ADTRP: variants seen among roughly 807,000 people sequenced by gnomAD.
The protein encoded by ADTRP is androgen-dependent TFPI-regulating protein.
In ADTRP, 20 loss-of-function variants were observed where a neutral mutation model predicts 27.0. The ratio of observed to expected loss-of-function variants is 0.74; its 90% CI spans 0.52 to 1.08. ADTRP has a LOEUF of 1.08. Ranked by LOEUF, ADTRP falls within the 50% of genes least tolerant of loss-of-function variation. The pLI, the probability that ADTRP is intolerant of heterozygous loss-of-function variation, is 0.00. For missense variants in ADTRP, 251 were observed against 275.0 expected, an observed-to-expected ratio of 0.91 and a Z score of 0.62; for synonymous variants, 101 against 105.2, an observed-to-expected ratio of 0.96 and a Z score of 0.25.
chr6:11,760,607 A>G (rs1763364241), intron 3 of ADTRP, among the ~76,000 whole-genome samples: 1 of 152,200 alleles, frequency 6.6e-6, no homozygotes. Context: ...TTAACTTTAA[A>G]AACAATCTGC....
rs567619491 is a variant in ADTRP at position 11,734,874 on chromosome 6, G to A, written c.506+694C>T. On this transcript the variant is annotated intron_variant, in intron 4 of 5. Transcript: ENST00000414691. ...TTCCAATCTGCAGGTCTTGTGTTCA[G>A]CAAGCCTCTTTCTTTCAGAAGGAAC... is the stretch of plus-strand genomic sequence containing the variant. 6.1e-4 allele frequency among the ~76,000 whole-genome samples: 93 copies of A among 152,340 alleles called. 1 individual carries two copies. Among genetic ancestry groups the A allele is most frequent in the Middle Eastern group, 3.4e-3 (1 of 294 alleles).
At chr6:11,762,840 A>G (rs1763436193) in intron 3 of ADTRP, among the ~76,000 whole-genome samples, 1 of 152,204 alleles carries the variant, frequency 6.6e-6, no homozygotes. Context: ...ATTTCCAGAG[A>G]AATAAGTCCC....
intron 4 of ADTRP, among the ~76,000 whole-genome samples, chr6:11,724,678 C>T (rs1326229433): frequency 6.6e-6 from 1 of 152,198 alleles, no homozygotes; most frequent in Non-Finnish European, 1.5e-5. Context: ...GTGATTCAAA[C>T]CCCAGCTCTG....
At chr6:11,719,199 C>T (rs1761930348) in intron 5 of ADTRP, among the ~76,000 whole-genome samples, 1 of 152,160 alleles carries the variant, frequency 6.6e-6, no homozygotes, top group South Asian at 2.1e-4. Flanking sequence ...TGTAATAGAG[C>T]CTTGTCCTCA....
chr6:11,775,557 T>C (rs1277392620), intron 1 of ADTRP, among the ~76,000 whole-genome samples: 3 of 151,956 alleles, frequency 2.0e-5, no homozygotes, highest in Admixed American at 1.3e-4. Flanking sequence ...TTCACTGAGG[T>C]CAGTTTACTC....
Position 11,714,029 on chromosome 6 carries a change from A to C in ADTRP, c.*449T>G, listed in dbSNP as rs1258357622. On this transcript the variant is annotated 3_prime_UTR_variant, in exon 6 of 6. Transcript: ENST00000414691. ...CCAGTAGCTAGGAGATCTGGGAGAG[A>C]GAAGTCATTGCCTTGGTTCTGACAC... 1 of 153,804 alleles carries C rather than the reference A, an allele frequency of 6.5e-6. No homozygotes were observed. The highest frequency in any genetic ancestry group is 1.4e-5 in the Non-Finnish European group (1 of 69,364). The allele number at this position is 153,804 out of a possible 1,614,324, so 9.5% of individuals were successfully genotyped here.
At chr6:11,750,419 G>T (rs140855936) in intron 3 of ADTRP, among the ~76,000 whole-genome samples, 6 of 152,202 alleles carry the variant, frequency 3.9e-5, no homozygotes, top group Non-Finnish European at 8.8e-5. Flanking sequence ...AATCCTGGGT[G>T]CATTAAAACC....
intron 1 of ADTRP, among the ~76,000 whole-genome samples, chr6:11,776,272 C>A (rs1164600374): frequency 6.6e-6 from 1 of 152,132 alleles, no homozygotes; most frequent in Non-Finnish European, 1.5e-5. Flanking sequence ...CAGAAGATAC[C>A]AGAAGAGAGG....
chr6:11,752,993 G>A (rs1167547589), intron 3 of ADTRP, among the ~76,000 whole-genome samples: 2 of 152,166 alleles, frequency 1.3e-5, no homozygotes, highest in African/African-American at 2.4e-5. Flanking sequence ...GGAGAATTAA[G>A]GATGGTAAAC....
At chr6:11,742,818 G>A (rs907662180) in intron 3 of ADTRP, among the ~76,000 whole-genome samples, 2 of 152,212 alleles carry the variant, frequency 1.3e-5, no homozygotes, top group African/African-American at 4.8e-5. Context: ...GATCTGAGCA[G>A]TACAGGAACT....
chr6:11,762,629 G>A (rs116800537), intron 3 of ADTRP, among the ~76,000 whole-genome samples: 32 of 152,346 alleles, frequency 2.1e-4, no homozygotes, highest in Non-Finnish European at 4.4e-4. Context: ...ATCATGGATT[G>A]AGAATAAGCT....
chr6:11,742,665 T>C (rs1190808774), intron 3 of ADTRP, among the ~76,000 whole-genome samples: 1 of 152,230 alleles, frequency 6.6e-6, no homozygotes, highest in Non-Finnish European at 1.5e-5. Context: ...CATAGTGACC[T>C]CAACAGTGTC....
chr6:11,749,018 C>T (rs1762957886), intron 3 of ADTRP, among the ~76,000 whole-genome samples: 1 of 152,200 alleles, frequency 6.6e-6, no homozygotes, highest in South Asian at 2.1e-4. Flanking sequence ...TTGCCATGGT[C>T]TGTAGAGGCC....
chr6:11,776,433 C>A (rs1017688416), intron 1 of ADTRP, among the ~76,000 whole-genome samples: 7 of 152,216 alleles, frequency 4.6e-5, no homozygotes, highest in South Asian at 4.2e-4. Context: ...TTAAAAAAAA[C>A]TTCTGTTTTG....
intron 1 of ADTRP, among the ~76,000 whole-genome samples, chr6:11,776,679 TAGAG>T (rs1315322729): frequency 6.6e-6 from 1 of 152,074 alleles, no homozygotes; most frequent in Non-Finnish European, 1.5e-5. Context: ...CTTCTAAGGA[TAGAG>T]AGAACACCGG....
At chr6:11,740,523 C>A (rs1762682679) in intron 3 of ADTRP, among the ~76,000 whole-genome samples, 1 of 152,024 alleles carries the variant, frequency 6.6e-6, no homozygotes, top group Admixed American at 6.6e-5. Context: ...AATCGAATGC[C>A]ATCATATCCA....
intron 3 of ADTRP, among the ~76,000 whole-genome samples, chr6:11,761,561 T>C (rs1016505574): frequency 6.6e-6 from 1 of 152,242 alleles, no homozygotes; most frequent in African/African-American, 2.4e-5. Flanking sequence ...CCATATTTGA[T>C]GTTTTTCCTG....
At chr6:11,744,861 C>T (rs1401541407) in intron 3 of ADTRP, among the ~76,000 whole-genome samples, 1 of 152,222 alleles carries the variant, frequency 6.6e-6, no homozygotes, top group Admixed American at 6.5e-5. Context: ...ACTATCCCTT[C>T]GTTTCCAATA....
intron 3 of ADTRP, among the ~76,000 whole-genome samples, chr6:11,755,499 G>A (rs1466451986): frequency 6.6e-6 from 1 of 152,220 alleles, no homozygotes; most frequent in African/African-American, 2.4e-5. Flanking sequence ...CCAGTGGACT[G>A]GTCGTCCTCT....
Sources: allele counts gnomAD v4.1 joint callset (sites outside exome capture counted in the v4.1 genomes callset), GRCh38; gene constraint gnomAD v4.1.1; transcripts MANE v1.5; gene names NCBI Gene and HGNC (gene_info 2026-07-23, HGNC 2026-07-21).